ARL6IP1: variants seen among roughly 807,000 people sequenced by gnomAD.
ARL6IP1 encodes the protein ADP-ribosylation factor-like protein 6-interacting protein 1.
A neutral mutation model predicts 30.1 loss-of-function variants in ARL6IP1; 16 were observed. The observed-to-expected ratio is 0.53, with a 90% CI of 0.36 to 0.81. The LOEUF (loss-of-function observed/expected upper bound fraction) is 0.81. Ranked by LOEUF, ARL6IP1 falls within the 30% of genes least tolerant of loss-of-function variation. The probability of loss-of-function intolerance (pLI) is 0.01; values close to 1 mark genes in which losing one functional copy is unlikely to be tolerated. For synonymous variants in ARL6IP1, 72 were observed against 84.8 expected (o/e 0.85, Z 0.83); for missense variants, 173 against 242.7 (o/e 0.71, Z 1.91).
In ARL6IP1 at chr16:18,792,851, C is replaced by T. The variant is rs2030104377; in HGVS notation, c.*401G>A. The T allele has an allele frequency of 6.5e-6, 1 of 153,614 alleles. No individual in the cohort carries two copies. The allele number at this position is 153,614 out of a possible 1,614,324, so 9.5% of individuals were successfully genotyped here. The stretch of plus-strand genomic sequence containing the variant: ...TTTTTAAGCAGACTGTGGAAGCAGA[C>T]AGAACCAGCTTCCTGTAGCCACAGA... On this transcript the variant is annotated 3_prime_UTR_variant, in exon 6 of 6. Coordinates refer to ENST00000304414, the MANE Select transcript of ARL6IP1 (RefSeq NM_015161.3).
At chr16:18,799,043 G>A (rs1479487858) in intron 1 of ARL6IP1, among the ~76,000 whole-genome samples, 3 of 151,024 alleles carry the variant, frequency 2.0e-5, no homozygotes, top group Non-Finnish European at 4.4e-5. Flanking sequence ...TTTTTGAGAC[G>A]GAGTCTCGCT....
At chr16:18,795,302 T>C (rs964011336) in intron 4 of ARL6IP1, 162 bp downstream of exon 4, 12 of 488,862 alleles carry the variant, frequency 2.5e-5, no homozygotes, top group Admixed American at 1.4e-4. Flanking sequence ...ATGTAATTTT[T>C]AACTTTAAAA....
chr16:18,798,838 A>G lies in ARL6IP1; in HGVS notation c.37-4T>C. On this transcript the variant is annotated splice_region_variant and splice_polypyrimidine_tract_variant and intron_variant, in intron 1 of 5. Coordinates refer to ENST00000304414, the MANE Select transcript of ARL6IP1 (RefSeq NM_015161.3). Reference sequence around the variant, plus strand: ...CCAGACTTGCAGTCTCTGCAGCCTAAATACCACCGACATTTAAAGTGATCA... The same window carrying G: ...CCAGACTTGCAGTCTCTGCAGCCTAGATACCACCGACATTTAAAGTGATCA... 6.2e-7 allele frequency: 1 copy of G among 1,612,592 alleles called. No individual in the cohort carries two copies. Among genetic ancestry groups the G allele is most frequent in the East Asian group, 2.2e-5 (1 of 44,840 alleles).
intron 5 of ARL6IP1, 24 bp from the exon 6 acceptor site, chr16:18,793,394 A>C: frequency 3.7e-6 from 5 of 1,357,278 alleles, no homozygotes; most frequent in Non-Finnish European, 5.1e-6. Flanking sequence ...AAAACCCAAC[A>C]TTAAGGAGGC....
intron 1 of ARL6IP1, among the ~76,000 whole-genome samples, chr16:18,800,124 G>C (rs1008302521): frequency 6.6e-6 from 1 of 152,114 alleles, no homozygotes; most frequent in African/African-American, 2.4e-5. Flanking sequence ...CTGAGCACTA[G>C]TGTGATCTCA....
In ARL6IP1 at chr16:18,798,070, G is replaced by A. The variant is rs1429287159; in HGVS notation, c.171-26C>T. The A allele has an allele frequency of 2.6e-6, 4 of 1,552,926 alleles. 1 individual carries two copies. In the South Asian group the frequency reaches 3.7e-5, roughly 14 times the overall value. Reference sequence around the variant, plus strand: ...CTGTTAAAAAAATTAATAAAGGTTAGAAAAACATAGTCATTATTATTCCTA... The same window carrying A: ...CTGTTAAAAAAATTAATAAAGGTTAAAAAAACATAGTCATTATTATTCCTA... On this transcript the variant is annotated intron_variant, in intron 2 of 5. Coordinates refer to ENST00000304414, the MANE Select transcript of ARL6IP1 (RefSeq NM_015161.3).
At position 18,795,555 on chromosome 16, in the gene ARL6IP1, T is replaced by C; in HGVS notation, c.317A>G (p.His106Arg). The C allele has an allele frequency of 6.2e-7, 1 of 1,613,610 alleles. No homozygotes were observed. The highest frequency in any genetic ancestry group is 8.5e-7 in the Non-Finnish European group (1 of 1,179,884). The change falls in exon 4 of 6, where the codon CAT becomes CGT. Residue 106 changes from histidine (H) to arginine (R), a missense_variant. Transcript: ENST00000304414. ...KWTTEQQQRF[H>R]EICSNLVKTR... ...TTTTACTAGATTGCTGCAAATTTCA[T>C]GGAATCTTTGCTGTTGTTCAGTGGT...
At chr16:18,797,780 T>C (rs1456152254) in intron 3 of ARL6IP1, 145 bp downstream of exon 3, 1 of 1,019,092 alleles carries the variant, frequency 9.8e-7, no homozygotes, top group African/African-American at 1.6e-5. Flanking sequence ...TCAGTTACAA[T>C]ATTCTTCACA....
Position 18,801,441 on chromosome 16 carries a change from G to T in ARL6IP1, c.26C>A (p.Thr9Asn), listed in dbSNP as rs747185659. The part of the protein sequence containing the change: MAEGDNRS[T>N]NLLAAETASL... ...GCAGCCAGGACTCACCAGCAGGTTG[G>T]TGCTGCGATTATCTCCCTCCGCCAT... Residue 9 changes from threonine (T) to asparagine (N), a missense_variant, in exon 1 of 6, where the codon ACC becomes AAC. Coordinates refer to ENST00000304414, the MANE Select transcript of ARL6IP1 (RefSeq NM_015161.3). 1 of 1,612,902 alleles carries T rather than the reference G, an allele frequency of 6.2e-7. No individual in the cohort carries two copies. The highest frequency in any genetic ancestry group is 8.5e-7 in the Non-Finnish European group (1 of 1,179,760).
At chr16:18,794,406 A>G (rs2030166340) in intron 5 of ARL6IP1, among the ~76,000 whole-genome samples, 193 bp downstream of exon 5, 1 of 152,176 alleles carries the variant, frequency 6.6e-6, no homozygotes, top group Non-Finnish European at 1.5e-5. Flanking sequence ...GCTTATTTTT[A>G]CCTCTTGCAC....
chr16:18,799,667 CAG>C (rs2030350888), intron 1 of ARL6IP1, among the ~76,000 whole-genome samples: 1 of 152,154 alleles, frequency 6.6e-6, no homozygotes, highest in Non-Finnish European at 1.5e-5. Flanking sequence ...TGGAATCACT[CAG>C]ATGTTGACAT....
Position 18,798,482 on chromosome 16 carries a change from T to G in ARL6IP1, c.170+219A>C, listed in dbSNP as rs144430363. On this transcript the variant is annotated intron_variant, in intron 2 of 5. Transcript: ENST00000304414. ...TTTAAGTGTCTGGAGGACAAAAAGT[T>G]TGCGAGTCACTGATTTACTCAAGTG... 2.3e-4 allele frequency: 112 copies of G among 477,626 alleles called. No homozygotes were observed. The East Asian group carries it at 3.4e-3, about 15-fold the overall frequency. 29.6% of individuals were successfully genotyped at this position (477,626 alleles called of 1,614,324 possible).
At chr16:18,799,988 G>A (rs1204444564) in intron 1 of ARL6IP1, among the ~76,000 whole-genome samples, 1 of 152,188 alleles carries the variant, frequency 6.6e-6, no homozygotes, top group Non-Finnish European at 1.5e-5. Context: ...GATTGCTTGA[G>A]CCCAGGAGAT....
At position 18,798,781 on chromosome 16, in the gene ARL6IP1, C is replaced by T. The variant is rs751319643; in HGVS notation, c.90G>A (p.Met30Ile). 6.2e-7 allele frequency: 1 copy of T among 1,614,212 alleles called. No homozygotes were observed. The highest frequency in any genetic ancestry group is 1.1e-5 in the South Asian group (1 of 91,086). Reference sequence around the variant, plus strand: ...ATCGGAGGACTTTATCAGCCATCAGCATCACTTCTCCCCATCCTTGCAGCT... The same window carrying T: ...ATCGGAGGACTTTATCAGCCATCAGTATCACTTCTCCCCATCCTTGCAGCT... ...EEQLQGWGEV[M>I]LMADKVLRWE... The change falls in exon 2 of 6, where the codon ATG (methionine) becomes ATA (isoleucine). Residue 30 changes from methionine to isoleucine, a missense_variant. Coordinates refer to ENST00000304414, the MANE Select transcript of ARL6IP1 (RefSeq NM_015161.3).
intron 3 of ARL6IP1, among the ~76,000 whole-genome samples, chr16:18,797,158 T>C (rs1487527635): frequency 6.6e-6 from 1 of 151,558 alleles, no homozygotes; most frequent in African/African-American, 2.4e-5. Context: ...GGCGGGCGGA[T>C]CACAAGGTCA....
In ARL6IP1 at chr16:18,801,508, C is replaced by T. The variant is rs2030412411; in HGVS notation, c.-42G>A. The T allele has an allele frequency of 1.9e-6, 3 of 1,604,794 alleles. No individual in the cohort carries two copies. Among genetic ancestry groups the T allele is most frequent in the East Asian group, 4.5e-5 (2 of 44,518 alleles). On this transcript the variant is annotated 5_prime_UTR_variant, in exon 1 of 6. Transcript: ENST00000304414. ...TCTCTACAAGCGCAGGCCACCTCCC[C>T]AACGAGTCCTCCAACCGAAACCCGC...
At chr16:18,798,265 T>C in intron 2 of ARL6IP1, 1 of 410,864 alleles carries the variant, frequency 2.4e-6, no homozygotes, top group Non-Finnish European at 4.3e-6. Flanking sequence ...TCTTTGGAGT[T>C]CTCAGCACTT....
chr16:18,800,594 C>T (rs977235968), intron 1 of ARL6IP1, among the ~76,000 whole-genome samples: 2 of 152,210 alleles, frequency 1.3e-5, no homozygotes, highest in African/African-American at 4.8e-5. Flanking sequence ...TGGCCAGCGT[C>T]TGGGGTCTTG....
At chr16:18,797,816 G>GTC in intron 3 of ARL6IP1, 109 bp downstream of exon 3, 1 of 1,307,024 alleles carries the variant, frequency 7.7e-7, no homozygotes, top group Non-Finnish European at 1.0e-6. Flanking sequence ...TAATGCTTAG[G>GTC]TGTCTGATGG....
Sources: allele counts gnomAD v4.1 joint callset (sites outside exome capture counted in the v4.1 genomes callset), GRCh38; gene constraint gnomAD v4.1.1; transcripts MANE v1.5; gene names NCBI Gene and HGNC (gene_info 2026-07-23, HGNC 2026-07-21).